CHD1L: variants seen among roughly 807,000 people sequenced by gnomAD.
The protein encoded by CHD1L is chromodomain helicase DNA binding protein 1 like, also known as ATP-dependent chromatin remodeler CHD1L.
In CHD1L, 118 loss-of-function variants were observed where a neutral mutation model predicts 115.9. The observed-to-expected ratio is 1.02, with a 90% confidence interval of 0.88 to 1.19. The LOEUF (loss-of-function observed/expected upper bound fraction) is 1.19, where lower values mean the gene tolerates loss of function less well. Ranked by LOEUF, CHD1L falls within the 50% of genes most tolerant of loss-of-function variation. The pLI, the probability that CHD1L is intolerant of heterozygous loss-of-function variation, is 0.00. For synonymous variants in CHD1L, 411 were observed against 387.1 expected (o/e 1.06, Z -0.72); for missense variants, 1,179 against 1,065.3 (o/e 1.11, Z -1.49).
At chr1:147,209,296 G>A in the CHD1L span, among the ~76,000 whole-genome samples, 1 of 152,084 alleles carries the variant, frequency 6.6e-6, no homozygotes, top group African/African-American at 2.4e-5. Flanking sequence ...AAATTAGCCA[G>A]GCGTGGTTGC....
the CHD1L span, among the ~76,000 whole-genome samples, chr1:147,233,032 G>A: frequency 2.0e-5 from 3 of 152,106 alleles, no homozygotes; most frequent in South Asian, 2.1e-4. Flanking sequence ...CTTCCCGGCC[G>A]CCATCCCATC....
In CHD1L at chr1:147,259,823, G is replaced by A. The variant is rs782747950; in HGVS notation, c.495-14G>A. 1.9e-6 allele frequency: 3 copies of A among 1,607,736 alleles called. No homozygotes were observed. The Admixed American group carries it at 5.1e-5, about 27-fold the overall frequency. On this transcript the variant is annotated splice_polypyrimidine_tract_variant and intron_variant, in intron 5 of 22. Coordinates refer to ENST00000369258, the MANE Select transcript of CHD1L (RefSeq NM_004284.6). Reference sequence around the variant, plus strand: ...AAATTACACAAAACTGAAAGCTTGGGTTTTCTCTCACAGATTCCCTTGGAG... The same window carrying A: ...AAATTACACAAAACTGAAAGCTTGGATTTTCTCTCACAGATTCCCTTGGAG...
the CHD1L span, among the ~76,000 whole-genome samples, chr1:147,234,506 G>A: frequency 6.6e-6 from 1 of 152,208 alleles, no homozygotes; most frequent in African/African-American, 2.4e-5. Context: ...GTCCTAAGCC[G>A]CAGAACCTGT....
At chr1:147,231,233 C>T in the CHD1L span, among the ~76,000 whole-genome samples, 5 of 152,204 alleles carry the variant, frequency 3.3e-5, no homozygotes, top group African/African-American at 1.2e-4. Context: ...TTTCAAAGAA[C>T]CTCTTTATCT....
chr1:147,189,425 C>T, the CHD1L span, among the ~76,000 whole-genome samples: 241 of 152,084 alleles, frequency 1.6e-3, no homozygotes, highest in Non-Finnish European at 2.6e-3. Context: ...GAAGTTGTAA[C>T]GGAATTAAAT....
chr1:147,183,176 C>T, the CHD1L span, among the ~76,000 whole-genome samples: 8 of 151,902 alleles, frequency 5.3e-5, no homozygotes, highest in African/African-American at 1.5e-4. Context: ...CCAGCCTGGG[C>T]GACAGAGCGA....
chr1:147,256,507 TA>T (rs61409326), intron 4 of CHD1L, 23 bp from the exon 5 acceptor site: 59,021 of 1,608,978 alleles, frequency 0.037, 1,186 homozygotes, highest in African/African-American at 0.058. Flanking sequence ...CCAGCCTTTA[TA>T]ACGTGTCTTC....
the CHD1L span, chr1:147,178,410 A>G: frequency 4.3e-6 from 7 of 1,611,342 alleles, no homozygotes; most frequent in Admixed American, 8.3e-5. Context: ...GAGTCAGTGG[A>G]TATCCAACCC....
the CHD1L span, among the ~76,000 whole-genome samples, chr1:147,202,119 A>G: frequency 0.037 from 5,602 of 152,140 alleles, 146 homozygotes; most frequent in South Asian, 0.095. Context: ...AGGATTTTAG[A>G]ATTTATCTCA....
At chr1:147,256,117 G>A (rs1452103449) in intron 4 of CHD1L, among the ~76,000 whole-genome samples, 190 bp downstream of exon 4, 1 of 152,092 alleles carries the variant, frequency 6.6e-6, no homozygotes, top group Non-Finnish European at 1.5e-5. Flanking sequence ...AGATTAGTTC[G>A]ATCTTTTCCT....
the CHD1L span, among the ~76,000 whole-genome samples, chr1:147,228,857 T>C: frequency 6.6e-6 from 1 of 152,166 alleles, no homozygotes; most frequent in Non-Finnish European, 1.5e-5. Context: ...GATGGGGTTG[T>C]TTGTTTTTTT....
At chr1:147,285,531 C>G (rs1353079920) in intron 17 of CHD1L, 44 bp downstream of exon 17, 1 of 1,584,886 alleles carries the variant, frequency 6.3e-7, no homozygotes. Context: ...TTGAAGGAGT[C>G]ACTATTGTAT....
the CHD1L span, among the ~76,000 whole-genome samples, chr1:147,231,897 G>A: frequency 0.047 from 7,212 of 152,104 alleles, 400 homozygotes; most frequent in East Asian, 0.17. Context: ...GCGATGCCTC[G>A]CCCTGCTTCA....
intron 14 of CHD1L, among the ~76,000 whole-genome samples, 173 bp from the exon 15 acceptor site, chr1:147,279,853 C>A (rs1680115362): frequency 6.6e-6 from 1 of 152,138 alleles, no homozygotes; most frequent in African/African-American, 2.4e-5. Context: ...TACCCATCAT[C>A]CAACTATTAA....
Position 147,268,713 on chromosome 1 carries a change from T to G in CHD1L, c.989-69T>G. On this transcript the variant is annotated intron_variant, in intron 9 of 22. Coordinates refer to ENST00000369258, the MANE Select transcript of CHD1L (RefSeq NM_004284.6). ...ATGATGAGCTTTTGGCTTCTCTTCC[T>G]GTAGCCTAGCTACTGGCTTCTGCCC... 2 of 1,281,122 alleles carry G rather than the reference T, an allele frequency of 1.6e-6. 1 individual carries two copies. The highest frequency in any genetic ancestry group is 2.2e-6 in the Non-Finnish European group (2 of 890,488). The allele number at this position is 1,281,122 out of a possible 1,614,324, so 79.4% of individuals were successfully genotyped here. A position where few individuals can be genotyped will look rare whatever the true frequency, so the allele number is the denominator to read the frequency against.
chr1:147,224,011 G>A, the CHD1L span: 1 of 421,060 alleles, frequency 2.4e-6, no homozygotes, highest in Non-Finnish European at 4.7e-6. Context: ...AGAAGACTCA[G>A]CTGGTGGTGA....
chr1:147,263,702 C>T (rs933331650), intron 6 of CHD1L, among the ~76,000 whole-genome samples: 2 of 151,958 alleles, frequency 1.3e-5, no homozygotes, highest in Non-Finnish European at 2.9e-5. Flanking sequence ...TAACCTTCTA[C>T]TTCATGTCTC....
chr1:147,188,565 G>T, the CHD1L span, among the ~76,000 whole-genome samples: 4 of 147,602 alleles, frequency 2.7e-5, no homozygotes, highest in East Asian at 4.0e-4. Context: ...ATTCATGAAG[G>T]TTTCACAAAA....
chr1:147,215,981 C>A, the CHD1L span: 1 of 1,479,692 alleles, frequency 6.8e-7, no homozygotes, highest in Non-Finnish European at 9.2e-7. Flanking sequence ...ACTTGAGGAT[C>A]ATCTTCATGT....
Sources: allele counts gnomAD v4.1 joint callset (sites outside exome capture counted in the v4.1 genomes callset), GRCh38; gene constraint gnomAD v4.1.1; transcripts MANE v1.5; gene names NCBI Gene and HGNC (gene_info 2026-07-23, HGNC 2026-07-21).